CDK10: variants seen among roughly 807,000 people sequenced by gnomAD.
The protein encoded by CDK10 is cyclin-dependent kinase 10.
Under a neutral mutation model 51.0 loss-of-function variants are expected in CDK10, and 55 were observed. That is an observed-to-expected ratio of 1.08 (90% confidence interval 0.87 to 1.35). CDK10 has a LOEUF of 1.35. Ranked by LOEUF, CDK10 falls within the 40% of genes most tolerant of loss-of-function variation. CDK10 has a pLI of 0.00. For missense variants in CDK10, 589 were observed against 485.1 expected (o/e 1.21, Z -2.01); for synonymous variants, 255 against 199.1 (o/e 1.28, Z -2.36).
At chr16:89,687,589 G>A (rs1456801690) in intron 1 of CDK10, 1 of 446,706 alleles carries the variant, frequency 2.2e-6, no homozygotes, top group Admixed American at 2.4e-5. Flanking sequence ...TTTGAGACAG[G>A]GTCTAGCGCT....
rs759329848 is a variant in CDK10 at position 89,693,658 on chromosome 16, C to T, written c.608+191C>T. ...GGCTGTGCCACAAAATGGTGAGAGA[C>T]GGGCTCAGTGGCGTCAAGGGCCTGC... On this transcript the variant is annotated intron_variant, in intron 8 of 12. Coordinates refer to ENST00000353379, the MANE Select transcript of CDK10 (RefSeq NM_052988.5). 171 of 617,456 alleles carry T rather than the reference C, an allele frequency of 2.8e-4. 1 individual carries two copies. The highest frequency in any genetic ancestry group is 1.7e-3 in the Middle Eastern group (4 of 2,330). The allele number at this position is 617,456 out of a possible 1,614,324, so 38.2% of individuals were successfully genotyped here.
At position 89,694,843 on chromosome 16, in the gene CDK10, C is replaced by T. The variant is rs546177533; in HGVS notation, c.792+55C>T. 1.2e-4 allele frequency: 179 copies of T among 1,508,958 alleles called. 3 individuals carry two copies. The highest frequency in any genetic ancestry group is 3.4e-4 in the Admixed American group (17 of 50,180). 93.5% of individuals were successfully genotyped at this position (1,508,958 alleles called of 1,614,324 possible). A position where few individuals can be genotyped will look rare whatever the true frequency, so the allele number is the denominator to read the frequency against. On this transcript the variant is annotated intron_variant, in intron 10 of 12. Transcript: ENST00000353379. Reference sequence around the variant, plus strand: ...CGCCCGTGCCCACGCCCTCTGCGCCCGCAGCCCCCGCCCGTGCCCACGCCC... The same window carrying T: ...CGCCCGTGCCCACGCCCTCTGCGCCTGCAGCCCCCGCCCGTGCCCACGCCC...
Position 89,695,235 on chromosome 16 carries a change from G to T in CDK10, c.933-58G>T, listed in dbSNP as rs1158583442. The T allele has an allele frequency of 1.6e-5, 25 of 1,567,600 alleles. 1 individual carries two copies. In the East Asian group the frequency reaches 5.4e-4, roughly 34 times the overall value. On this transcript the variant is annotated intron_variant, in intron 11 of 12. Coordinates refer to ENST00000353379, the MANE Select transcript of CDK10 (RefSeq NM_052988.5). ...ATTTGAATCACAGGCTGCTCAGCTG[G>T]GTGGGAGGTGAGGAAGCCGCACTCA...
chr16:89,687,285 C>T lies in CDK10; in HGVS notation c.87+488C>T, dbSNP rs559772633. On this transcript the variant is annotated intron_variant, in intron 1 of 12. Transcript: ENST00000353379. ...CCCTTGCGGAGGTGCCGGTGCCTCC[C>T]TCTGCAGAGACCAGGAGAGAGCCTC... is the stretch of plus-strand genomic sequence containing the variant. 603 of 354,094 alleles carry T rather than the reference C, an allele frequency of 1.7e-3. 2 individuals carry two copies. The highest frequency in any genetic ancestry group is 3.2e-3 in the South Asian group (155 of 48,904). 21.9% of individuals were successfully genotyped at this position (354,094 alleles called of 1,614,324 possible). A position where few individuals can be genotyped will look rare whatever the true frequency, so the allele number is the denominator to read the frequency against.
chr16:89,694,655 T>A lies in CDK10; in HGVS notation c.669-10T>A. ...CGTCTGGCCGCAGTGAGGTCCACTG[T>A]TCTCTGCAGGGCTGTGGGCTGCATA... On this transcript the variant is annotated splice_polypyrimidine_tract_variant and intron_variant, in intron 9 of 12. Transcript: ENST00000353379. 2 of 1,585,050 alleles carry A rather than the reference T, an allele frequency of 1.3e-6. No homozygotes were observed. Among genetic ancestry groups the A allele is most frequent in the Non-Finnish European group, 8.6e-7 (1 of 1,167,108 alleles).
In CDK10 at chr16:89,691,892, G is replaced by A. The variant is rs557111317; in HGVS notation, c.417+5G>A. 3.5e-5 allele frequency: 57 copies of A among 1,613,226 alleles called. No homozygotes were observed. In the East Asian group the frequency reaches 7.4e-4, roughly 21 times the overall value. ...ACACCCTTCTCGGAGGCTCAGGTGC[G>A]TGGCAGAGGGGCCTGGGGTGGGGGA... On this transcript the variant is annotated splice_donor_5th_base_variant and intron_variant, in intron 5 of 12. Transcript: ENST00000353379.
At chr16:89,695,240 G>A (rs1240510003) in intron 11 of CDK10, 53 bp from the exon 12 acceptor site, 2 of 1,571,454 alleles carry the variant, frequency 1.3e-6, no homozygotes, top group East Asian at 4.5e-5. Flanking sequence ...AGCTGGGTGG[G>A]AGGTGAGGAA....
At chr16:89,694,255 C>A (rs1418466423) in intron 9 of CDK10, 23 bp downstream of exon 9, 3 of 1,612,088 alleles carry the variant, frequency 1.9e-6, no homozygotes, top group Non-Finnish European at 2.5e-6. Flanking sequence ...GGTTACCGCT[C>A]CTGGGGCCTC....
rs775424902 is a variant in CDK10 at position 89,686,767 on chromosome 16, G to A, written c.57G>A (p.Glu19=). ...EQIRLKCIRK[E]GFFTVPPEHR... ...TCCGTCTGAAGTGTATTCGTAAGGA[G>A]GGCTTCTTCACGGTGCCTCCGGAAC... The change falls in exon 1 of 13, where the codon GAG becomes GAA. Residue 19 remains glutamate, a synonymous_variant. Coordinates refer to ENST00000353379, the MANE Select transcript of CDK10 (RefSeq NM_052988.5). The A allele has an allele frequency of 1.6e-5, 26 of 1,612,450 alleles. No individual in the cohort carries two copies. In the African/African-American group the frequency reaches 2.9e-4, roughly 18 times the overall value.
At position 89,694,982 on chromosome 16, in the gene CDK10, TACA is replaced by T. The variant is rs1360341045; in HGVS notation, c.850_852del (p.Asn284del). The stretch of plus-strand genomic sequence containing the variant: ...CCAGTACAGCCTCCGGAAGCAGCCC[TACA>T]ACAACCTGAAGCACAAGTTCCCATG... On this transcript the variant is annotated inframe_deletion, in exon 11 of 13. Transcript: ENST00000353379. The T allele has an allele frequency of 1.2e-6, 2 of 1,613,314 alleles. No individual in the cohort carries two copies. Among genetic ancestry groups the T allele is most frequent in the East Asian group, 2.2e-5 (1 of 44,882 alleles).
chr16:89,695,781 C>T lies in CDK10; in HGVS notation c.*89C>T, dbSNP rs367895796. On this transcript the variant is annotated 3_prime_UTR_variant, in exon 13 of 13. Coordinates refer to ENST00000353379, the MANE Select transcript of CDK10 (RefSeq NM_052988.5). Reference sequence around the variant, plus strand: ...GGTGCCGCGAGCCAGGCTGACCAGGCGCCCGGGATCCAGCTCATCCCCTTG... The same window carrying T: ...GGTGCCGCGAGCCAGGCTGACCAGGTGCCCGGGATCCAGCTCATCCCCTTG... The T allele has an allele frequency of 3.0e-5, 48 of 1,577,380 alleles. No individual in the cohort carries two copies. In the Middle Eastern group the frequency reaches 2.1e-3, roughly 71 times the overall value.
Position 89,692,429 on chromosome 16 carries a change from ACCTCTGAC to A in CDK10, c.418-13_418-6del. On this transcript the variant is annotated splice_polypyrimidine_tract_variant and intron_variant, in intron 5 of 12. Coordinates refer to ENST00000353379, the MANE Select transcript of CDK10 (RefSeq NM_052988.5). The stretch of plus-strand genomic sequence containing the variant: ...TCCCTGCAGGCTCACCCTGACTGGT[ACCTCTGAC>A]CCTCTGCACAGGTCAAGTGCATCGT... The A allele has an allele frequency of 6.6e-7, 1 of 1,524,446 alleles. No homozygotes were observed. Among genetic ancestry groups the A allele is most frequent in the Non-Finnish European group, 8.8e-7 (1 of 1,135,274 alleles). The allele number at this position is 1,524,446 out of a possible 1,614,324, so 94.4% of individuals were successfully genotyped here.
Position 89,695,671 on chromosome 16 carries a change from G to C in CDK10, c.1062G>C (p.Gln354His). 1 of 1,601,076 alleles carries C rather than the reference G, an allele frequency of 6.2e-7. No homozygotes were observed. Among genetic ancestry groups the C allele is most frequent in the African/African-American group, 1.3e-5 (1 of 74,822 alleles). ...CCGCCCCAGCCACCTCCGAGGGCCA[G>C]AGCAAGCGCTGTAAACCCTGACGGT... is the stretch of plus-strand genomic sequence containing the variant. ...KRAAPATSEGQSKRCKP is the reference protein window; with the variant it reads ...KRAAPATSEGHSKRCKP The change falls in exon 13 of 13, where the codon CAG (glutamine) becomes CAC (histidine). Residue 354 changes from glutamine (Q) to histidine (H), a missense_variant. Transcript: ENST00000353379.
At position 89,689,049 on chromosome 16, in the gene CDK10, ATGTTCTTGCCACTGC is replaced by A. The variant is rs571449654; in HGVS notation, c.88-202_88-188del. Among the ~76,000 whole-genome samples, 577 of 152,166 alleles carry A rather than the reference ATGTTCTTGCCACTGC, an allele frequency of 3.8e-3. 1 individual carries two copies. The highest frequency in any genetic ancestry group is 0.014 in the African/African-American group (563 of 41,510). On this transcript the variant is annotated intron_variant, in intron 1 of 12. Transcript: ENST00000353379. ...CAGGAGGCGGAGGTTGCAGTGAACC[ATGTTCTTGCCACTGC>A]ACTCCAGCCTGGGCAACAGAGCGAG...
chr16:89,691,037 G>A (rs2060421998), intron 3 of CDK10, among the ~76,000 whole-genome samples: 1 of 152,242 alleles, frequency 6.6e-6, no homozygotes, highest in Non-Finnish European at 1.5e-5. Context: ...TGTAATCCCA[G>A]CACTTTGGGA....
chr16:89,692,216 C>T, intron 5 of CDK10: 1 of 538,030 alleles, frequency 1.9e-6, no homozygotes, highest in Non-Finnish European at 3.2e-6. Context: ...CTTCTGAGGG[C>T]ACTGGTTTTC....
In CDK10 at chr16:89,695,360, T is replaced by C; in HGVS notation, c.985+15T>C. 1 of 1,609,824 alleles carries C rather than the reference T, an allele frequency of 6.2e-7. No homozygotes were observed. The highest frequency in any genetic ancestry group is 8.5e-7 in the Non-Finnish European group (1 of 1,176,906). ...GAAGCCCCTACGTGAGTGTGCAGGG[T>C]TCCTGACTCGCTCTGTGGGGTATGG... On this transcript the variant is annotated intron_variant, in intron 12 of 12. Transcript: ENST00000353379.
chr16:89,693,722 C>A, intron 8 of CDK10: 1 of 574,294 alleles, frequency 1.7e-6, no homozygotes, highest in Non-Finnish European at 3.1e-6. Context: ...CTGGAAACAC[C>A]GTGGCCGTGA....
chr16:89,690,591 C>T lies in CDK10; in HGVS notation c.199C>T (p.Leu67=). ...CACCCAGACAGATGAGATTGTCGCACTGAAGAAGGTGCGGATGGACAAGGA... is the reference window on the plus strand; with the variant it reads ...CACCCAGACAGATGAGATTGTCGCATTGAAGAAGGTGCGGATGGACAAGGA... ...RDTQTDEIVA[L]KKVRMDKEKD... Residue 67 remains leucine, a synonymous_variant, in exon 3 of 13, where the codon CTG becomes TTG. Coordinates refer to ENST00000353379, the MANE Select transcript of CDK10 (RefSeq NM_052988.5). The T allele has an allele frequency of 6.2e-7, 1 of 1,614,098 alleles. No homozygotes were observed. The highest frequency in any genetic ancestry group is 8.5e-7 in the Non-Finnish European group (1 of 1,180,014).
Sources: gnomAD v4.1 joint callset for allele counts (sites outside exome capture counted in the v4.1 genomes callset) on GRCh38, gnomAD v4.1.1 for gene constraint, MANE v1.5 for transcripts, NCBI Gene and HGNC (gene_info 2026-07-23, HGNC 2026-07-21) for gene names.